NEIL3: variants seen among roughly 807,000 people sequenced by gnomAD.
NEIL3 encodes endonuclease 8-like 3.
Under a neutral mutation model 57.5 loss-of-function variants are expected in NEIL3, and 48 were observed. The ratio of observed to expected loss-of-function variants is 0.83; its 90% CI spans 0.66 to 1.06. The LOEUF is 1.06. NEIL3 is among the 50% of genes least tolerant of loss of function. The pLI is 0.00. For missense variants in NEIL3, 717 were observed against 739.1 expected (o/e 0.97, Z 0.35); for synonymous variants, 261 against 253.2 (o/e 1.03, Z -0.29).
At chr4:177,322,679 A>C in intron 2 of NEIL3, 99 bp downstream of exon 2, 19 of 1,420,350 alleles carry the variant, frequency 1.3e-5, no homozygotes, top group Non-Finnish European at 1.9e-5. Context: ...TCATATAGGA[A>C]GTACTGTGTT....
At chr4:177,316,557 T>C (rs1327376296) in intron 1 of NEIL3, among the ~76,000 whole-genome samples, 1 of 152,004 alleles carries the variant, frequency 6.6e-6, no homozygotes, top group Non-Finnish European at 1.5e-5. Context: ...AGTAGAAGAT[T>C]TTGCCAAGAT....
chr4:177,353,170 A>C, intron 7 of NEIL3, 138 bp from the exon 8 acceptor site: 1 of 673,118 alleles, frequency 1.5e-6, no homozygotes, highest in Non-Finnish European at 2.5e-6. Context: ...GTCTGAGCTA[A>C]CTTTGTGTTA....
intron 2 of NEIL3, among the ~76,000 whole-genome samples, chr4:177,334,620 G>T (rs914905436): frequency 6.6e-6 from 1 of 152,094 alleles, no homozygotes; most frequent in African/African-American, 2.4e-5. Context: ...GTACTTACAG[G>T]CACACATTTT....
At chr4:177,335,503 A>G (rs1303670292) in intron 2 of NEIL3, among the ~76,000 whole-genome samples, 185 bp from the exon 3 acceptor site, 1 of 152,276 alleles carries the variant, frequency 6.6e-6, no homozygotes, top group African/African-American at 2.4e-5. Context: ...TTCTATCTTT[A>G]TAAGGATACA....
Position 177,329,164 on chromosome 4 carries a change from C to T in NEIL3, c.279-6524C>T, listed in dbSNP as rs570120495. Among the ~76,000 whole-genome samples the T allele has an allele frequency of 2.0e-5, 3 of 152,032 alleles. No individual in the cohort carries two copies. In the East Asian group the frequency reaches 5.8e-4, roughly 29 times the overall value. Reference sequence around the variant, plus strand: ...AGATAAAATAGAAGTTTTAAAAATGCTCAATCCAAAAGAATGCATTAAAAG... The same window carrying T: ...AGATAAAATAGAAGTTTTAAAAATGTTCAATCCAAAAGAATGCATTAAAAG... On this transcript the variant is annotated intron_variant, in intron 2 of 9. Coordinates refer to ENST00000264596, the MANE Select transcript of NEIL3 (RefSeq NM_018248.3).
chr4:177,357,909 T>C (rs777498904), intron 8 of NEIL3, among the ~76,000 whole-genome samples: 1 of 152,234 alleles, frequency 6.6e-6, no homozygotes, highest in Non-Finnish European at 1.5e-5. Flanking sequence ...TGAACAATTC[T>C]GTATGCTACA....
At chr4:177,313,106 A>G (rs1578983961) in intron 1 of NEIL3, among the ~76,000 whole-genome samples, 1 of 152,340 alleles carries the variant, frequency 6.6e-6, no homozygotes, top group East Asian at 1.9e-4. Flanking sequence ...AAATAATTTA[A>G]TAACTGCATA....
chr4:177,364,840 A>G (rs1169927483), downstream of NEIL3, among the ~76,000 whole-genome samples: 2 of 151,806 alleles, frequency 1.3e-5, no homozygotes, highest in Admixed American at 1.3e-4. Flanking sequence ...AGGCAGTAGA[A>G]TCGCTTGAAC....
Position 177,341,479 on chromosome 4 carries a change from C to T in NEIL3, c.706C>T (p.Arg236Cys), listed in dbSNP as rs569310169. ...TTTTGGTTTTTTTTTTTTTTAGTGCCGTAAAGCAGGACTTGCTCTCTCTAA... is the reference window on the plus strand; with the variant it reads ...TTTTGGTTTTTTTTTTTTTTAGTGCTGTAAAGCAGGACTTGCTCTCTCTAA... Reference protein sequence around the residue: ...RDFSILFYRCRKAGLALSKHY... With the variant: ...RDFSILFYRCCKAGLALSKHY... The change falls in exon 6 of 10, where the codon CGT (arginine) becomes TGT (cysteine). Residue 236 changes from arginine (R) to cysteine (C), a missense_variant. By Grantham distance (180) the Arg-to-Cys change is radical. Transcript: ENST00000264596. The T allele has an allele frequency of 6.4e-6, 10 of 1,555,650 alleles. No homozygotes were observed. Among genetic ancestry groups the T allele is most frequent in the South Asian group, 3.7e-5 (3 of 81,710 alleles).
chr4:177,349,923 G>A (rs568376481), intron 6 of NEIL3, among the ~76,000 whole-genome samples: 1 of 152,280 alleles, frequency 6.6e-6, no homozygotes, highest in South Asian at 2.1e-4. Flanking sequence ...ATAGATAAAT[G>A]CATCATGCTG....
intron 8 of NEIL3, 37 bp downstream of exon 8, chr4:177,353,765 CTTT>C (rs377620463): frequency 5.1e-3 from 6,120 of 1,199,488 alleles, no homozygotes; most frequent in Middle Eastern, 6.5e-3. Context: ...AAGATAATTG[CTTT>C]TTTTTTTTTT....
intron 1 of NEIL3, among the ~76,000 whole-genome samples, chr4:177,317,569 T>A (rs1340285695): frequency 6.6e-6 from 1 of 150,772 alleles, no homozygotes. Context: ...AATGGCCACA[T>A]CATTTTCCAC....
rs1734965743 is a variant in NEIL3, at chr4:177,335,781, C to T, written c.372C>T (p.Thr124=). The change falls in exon 3 of 10, where the codon ACC becomes ACT. Residue 124 remains threonine (T), a synonymous_variant. Transcript: ENST00000264596. ...GASPVLEVQL[T]KDLICFFDSS... ...CTCCTGTTTTGGAAGTGCAGCTCAC[C>T]AAAGATTTGATTTGTTTCTTTGACT... 1.9e-6 allele frequency: 3 copies of T among 1,581,174 alleles called. No individual in the cohort carries two copies. The highest frequency in any genetic ancestry group is 2.4e-5 in the South Asian group (2 of 84,528).
chr4:177,336,490 C>T (rs1280209165), intron 4 of NEIL3, among the ~76,000 whole-genome samples, 169 bp downstream of exon 4: 1 of 152,166 alleles, frequency 6.6e-6, no homozygotes, highest in Non-Finnish European at 1.5e-5. Flanking sequence ...CTCCTACCAC[C>T]GCACTTGCAC....
chr4:177,363,609 G>T (rs760404599), downstream of NEIL3, among the ~76,000 whole-genome samples: 23 of 152,034 alleles, frequency 1.5e-4, no homozygotes, highest in Non-Finnish European at 2.8e-4. Flanking sequence ...GAGGAAAAAA[G>T]GTCCACTGCA....
At chr4:177,334,580 G>C (rs981937320) in intron 2 of NEIL3, among the ~76,000 whole-genome samples, 3 of 152,118 alleles carry the variant, frequency 2.0e-5, no homozygotes, top group Non-Finnish European at 4.4e-5. Flanking sequence ...CCTTTCACTG[G>C]GGTTGAACTT....
chr4:177,326,958 A>G (rs900826148), intron 2 of NEIL3, among the ~76,000 whole-genome samples: 9 of 152,130 alleles, frequency 5.9e-5, no homozygotes, highest in Middle Eastern at 3.4e-3. Flanking sequence ...TGTAATTCCC[A>G]TGTGTCGAGG....
intron 1 of NEIL3, among the ~76,000 whole-genome samples, chr4:177,310,743 A>C (rs1183130057): frequency 6.6e-6 from 1 of 152,200 alleles, no homozygotes; most frequent in Non-Finnish European, 1.5e-5. Flanking sequence ...TGTGGTATTC[A>C]TTTGGCCAGA....
intron 1 of NEIL3, among the ~76,000 whole-genome samples, chr4:177,320,854 G>T (rs935215017): frequency 6.6e-6 from 1 of 152,000 alleles, no homozygotes; most frequent in Non-Finnish European, 1.5e-5. Context: ...ACAAAGGAGG[G>T]ATATATAAAG....
Sources: allele counts gnomAD v4.1 joint callset (sites outside exome capture counted in the v4.1 genomes callset), GRCh38; gene constraint gnomAD v4.1.1; transcripts MANE v1.5; gene names NCBI Gene and HGNC (gene_info 2026-07-23, HGNC 2026-07-21).